Variants in ERG observed in about 807,000 individuals in gnomAD.
ERG encodes transcriptional regulator ERG.
Under a neutral mutation model 55.3 loss-of-function variants are expected in ERG, and 9 were observed. The observed-to-expected ratio is 0.16, with a 90% CI of 0.10 to 0.28. The LOEUF is 0.28. Ranked by LOEUF, ERG falls within the 10% of genes least tolerant of loss-of-function variation. ERG has a pLI of 1.00. For missense variants in ERG, 434 were observed against 631.6 expected (o/e 0.69, Z 3.35); for synonymous variants, 223 against 237.3 (o/e 0.94, Z 0.55).
intron 1 of ERG, among the ~76,000 whole-genome samples, chr21:38,451,689 A>C (rs1358806808): frequency 6.6e-6 from 1 of 152,194 alleles, no homozygotes; most frequent in East Asian, 1.9e-4. Flanking sequence ...AAAAAACAAC[A>C]CAAACAAAAT....
chr21:38,567,348 G>A (rs2059929510), intron 2 of ERG, among the ~76,000 whole-genome samples: 2 of 152,082 alleles, frequency 1.3e-5, no homozygotes, highest in South Asian at 4.1e-4. Flanking sequence ...ATATTTTAAA[G>A]CAATATTATT....
At chr21:38,546,369 C>T (rs1183708076) in intron 2 of ERG, among the ~76,000 whole-genome samples, 1 of 152,266 alleles carries the variant, frequency 6.6e-6, no homozygotes, top group East Asian at 1.9e-4. Context: ...TACTGTGCTT[C>T]CTTCAGTGCC....
intron 2 of ERG, among the ~76,000 whole-genome samples, chr21:38,553,992 AAAC>A (rs1410531593): frequency 3.8e-5 from 5 of 132,588 alleles, no homozygotes; most frequent in African/African-American, 1.3e-4. Context: ...AACAAGCAAA[AAAC>A]AACTTCTTTA....
intron 1 of ERG, among the ~76,000 whole-genome samples, chr21:38,596,418 T>C (rs369466896): frequency 7.8e-4 from 118 of 152,206 alleles, no homozygotes; most frequent in African/African-American, 2.6e-3. Flanking sequence ...CACATCCTGG[T>C]TCAACAGCAG....
intron 2 of ERG, among the ~76,000 whole-genome samples, chr21:38,527,318 T>C (rs1363981402): frequency 6.6e-6 from 1 of 152,126 alleles, no homozygotes; most frequent in East Asian, 1.9e-4. Flanking sequence ...GCTGGGGGCT[T>C]GGAAATGGAA....
chr21:38,371,861 A>T, the ERG span, among the ~76,000 whole-genome samples: 5 of 152,050 alleles, frequency 3.3e-5, no homozygotes, highest in Non-Finnish European at 7.4e-5. Context: ...TTAGCCTACA[A>T]ATTTTAAAAA....
At chr21:38,451,828 C>T (rs987320573) in intron 1 of ERG, among the ~76,000 whole-genome samples, 2 of 152,162 alleles carry the variant, frequency 1.3e-5, no homozygotes, top group African/African-American at 4.8e-5. Context: ...TCTCATTAAA[C>T]AAGAATCTTC....
intron 2 of ERG, among the ~76,000 whole-genome samples, chr21:38,442,340 A>G (rs2058849255): frequency 6.6e-6 from 1 of 152,208 alleles, no homozygotes; most frequent in Non-Finnish European, 1.5e-5. Context: ...GGTTGCAGTA[A>G]GCTGAGATCG....
intron 2 of ERG, among the ~76,000 whole-genome samples, chr21:38,527,386 CTG>C: frequency 6.6e-6 from 1 of 152,346 alleles, no homozygotes; most frequent in East Asian, 1.9e-4. Context: ...GACCAGGAAT[CTG>C]TGTTTTTAAA....
intron 1 of ERG, among the ~76,000 whole-genome samples, chr21:38,612,104 C>T (rs2060231082): frequency 6.6e-6 from 1 of 152,136 alleles, no homozygotes; most frequent in South Asian, 2.1e-4. Flanking sequence ...CAGCAAATGT[C>T]GGCCAAGTGA....
At chr21:38,633,995 G>A (rs2060372902) in intron 1 of ERG, among the ~76,000 whole-genome samples, 1 of 151,896 alleles carries the variant, frequency 6.6e-6, no homozygotes, top group South Asian at 2.1e-4. Context: ...GATTTCCTAG[G>A]GCCTGTTCTG....
chr21:38,425,431 G>A (rs1391056513), intron 2 of ERG, among the ~76,000 whole-genome samples: 1 of 151,746 alleles, frequency 6.6e-6, no homozygotes, highest in Non-Finnish European at 1.5e-5. Context: ...GAGAAAGAGA[G>A]AGAAAGAAAA....
At chr21:38,656,112 T>C (rs2060517359) in intron 1 of ERG, among the ~76,000 whole-genome samples, 2 of 151,924 alleles carry the variant, frequency 1.3e-5, no homozygotes, top group African/African-American at 4.8e-5. Context: ...GAGAGGAATA[T>C]TACAAAGGGG....
rs1487749734 is a variant in ERG, at chr21:38,508,157, G to A, written c.-41+67505C>T. Among the ~76,000 whole-genome samples, 3 of 149,842 alleles carry A rather than the reference G, an allele frequency of 2.0e-5. No individual in the cohort carries two copies. In the East Asian group the frequency reaches 6.2e-4, roughly 31 times the overall value. On this transcript the variant is annotated intron_variant, in intron 2 of 8. Transcript: ENST00000398897. ...TATCTATGAACAGATGAGAGAGAGA[G>A]ACAGAGCAGGAGGTCATCTGCTCCC...
intron 1 of ERG, among the ~76,000 whole-genome samples, chr21:38,649,619 T>C (rs2060476935): frequency 6.6e-6 from 1 of 152,252 alleles, no homozygotes; most frequent in Non-Finnish European, 1.5e-5. Flanking sequence ...ATTTAGACTT[T>C]AAATTAAATT....
chr21:38,493,914 C>T (rs1476900958), intron 1 of ERG, among the ~76,000 whole-genome samples: 4 of 152,096 alleles, frequency 2.6e-5, no homozygotes, highest in South Asian at 2.1e-4. Flanking sequence ...GAAGCTGGGC[C>T]GTGGGAAATG....
intron 1 of ERG, among the ~76,000 whole-genome samples, chr21:38,583,719 C>T (rs757516582): frequency 1.3e-5 from 2 of 152,090 alleles, no homozygotes; most frequent in Non-Finnish European, 2.9e-5. Context: ...CCCAATGTGA[C>T]TGATCCACTT....
chr21:38,402,486 C>T (rs957338232), intron 5 of ERG, 71 bp downstream of exon 5: 3 of 1,174,344 alleles, frequency 2.6e-6, no homozygotes, highest in Non-Finnish European at 2.5e-6. Flanking sequence ...GACTGGTTTC[C>T]CATGAAAGCA....
chr21:38,489,217 A>G (rs923336930), intron 1 of ERG, among the ~76,000 whole-genome samples: 4 of 152,230 alleles, frequency 2.6e-5, no homozygotes, highest in African/African-American at 9.7e-5. Flanking sequence ...GATGTTTTCC[A>G]TCTCCAGAAG....
Sources: allele counts gnomAD v4.1 joint callset (sites outside exome capture counted in the v4.1 genomes callset), GRCh38; gene constraint gnomAD v4.1.1; transcripts MANE v1.5; gene names NCBI Gene and HGNC (gene_info 2026-07-23, HGNC 2026-07-21).